Variants in JMJD1C observed in about 807,000 individuals in gnomAD.
The protein encoded by JMJD1C is jumonji domain-containing protein 1C.
Under a neutral mutation model 245.3 loss-of-function variants are expected in JMJD1C, and 31 were observed. That is an observed-to-expected ratio of 0.13 (90% confidence interval 0.09 to 0.17). The LOEUF (loss-of-function observed/expected upper bound fraction) is 0.17, where lower values mean the gene tolerates loss of function less well. Among genes scored for constraint, JMJD1C ranks in the 10% least tolerant of loss-of-function variants. The pLI is 1.00. For missense variants in JMJD1C, 2,691 were observed against 3,000.2 expected, an observed-to-expected ratio of 0.90 and a Z score of 2.41; for synonymous variants, 1,057 against 1,017.4, an observed-to-expected ratio of 1.04 and a Z score of -0.74.
intron 24 of JMJD1C, among the ~76,000 whole-genome samples, chr10:63,169,360 C>A (rs1375455779): frequency 6.6e-6 from 1 of 152,164 alleles, no homozygotes; most frequent in Non-Finnish European, 1.5e-5. Context: ...CTGATCCAAT[C>A]TGGGATTTGT....
chr10:63,466,160 C>T, upstream of JMJD1C: 1 of 188,572 alleles, frequency 5.3e-6, no homozygotes, highest in Non-Finnish European at 1.1e-5. Context: ...GCGGCGGCAG[C>T]GGGAGACGAA....
At chr10:63,222,128 C>T (rs1203099616) in intron 3 of JMJD1C, 15 of 692,446 alleles carry the variant, frequency 2.2e-5, no homozygotes, top group East Asian at 1.6e-4. Flanking sequence ...ATAGCACTTC[C>T]GCCAGGGAGG....
At chr10:63,273,872 C>T (rs1476874318) in intron 2 of JMJD1C, among the ~76,000 whole-genome samples, 2 of 152,170 alleles carry the variant, frequency 1.3e-5, no homozygotes, top group African/African-American at 2.4e-5. Context: ...AAAATCTGCT[C>T]CTTCCAGTAA....
intron 1 of JMJD1C, among the ~76,000 whole-genome samples, chr10:63,506,306 C>T (rs1954715470): frequency 6.6e-6 from 1 of 152,110 alleles, no homozygotes; most frequent in Non-Finnish European, 1.5e-5. Flanking sequence ...TGAGAAGTTC[C>T]TGGGCAGCAG....
chr10:63,304,486 A>C (rs1360420846), intron 2 of JMJD1C, among the ~76,000 whole-genome samples: 1 of 152,218 alleles, frequency 6.6e-6, no homozygotes, highest in Non-Finnish European at 1.5e-5. Flanking sequence ...AAAGGACTTA[A>C]AAAGAAATAA....
Position 63,208,223 on chromosome 10 carries a change from A to G in JMJD1C, c.3446T>C (p.Leu1149Ser), listed in dbSNP as rs1395666267. The change falls in exon 10 of 26, where the codon TTG (leucine) becomes TCG (serine). Residue 1149 changes from leucine to serine, a missense_variant. Coordinates refer to ENST00000399262, the MANE Select transcript of JMJD1C (RefSeq NM_032776.3). ...FITSLSKPPP[L>S]IKHQPESEGL... is the part of the protein sequence containing the mutation. Reference sequence around the variant, plus strand: ...TTCACTTTCTGGTTGGTGTTTAATCAAAGGTGGAGGCTTTGAAAGAGATGT... The same window carrying G: ...TTCACTTTCTGGTTGGTGTTTAATCGAAGGTGGAGGCTTTGAAAGAGATGT... The G allele has an allele frequency of 1.2e-6, 2 of 1,613,930 alleles. No homozygotes were observed. The highest frequency in any genetic ancestry group is 1.3e-5 in the African/African-American group (1 of 74,936).
At position 63,206,852 on chromosome 10, in the gene JMJD1C, T is replaced by G. The variant is rs1190591586; in HGVS notation, c.4817A>C (p.Lys1606Thr). Residue 1606 changes from lysine to threonine, a missense_variant, in exon 10 of 26, where the codon AAA becomes ACA. Transcript: ENST00000399262. ...NSVDSKIIVD[K>T]YVKDDKVNRR... ...GTTGACTTTATCATCTTTTACATAT[T>G]TATCAACTATGATCTTACTATCTAC... The G allele has an allele frequency of 6.2e-7, 1 of 1,601,840 alleles. No homozygotes were observed. The highest frequency in any genetic ancestry group is 8.5e-7 in the Non-Finnish European group (1 of 1,176,050).
chr10:63,248,257 T>C (rs939537892), intron 3 of JMJD1C, among the ~76,000 whole-genome samples: 3 of 151,340 alleles, frequency 2.0e-5, no homozygotes, highest in Non-Finnish European at 4.4e-5. Context: ...GGTCAGGAGA[T>C]CGAGACCAGC....
chr10:63,351,984 C>G (rs1944402668), intron 2 of JMJD1C, among the ~76,000 whole-genome samples: 1 of 152,176 alleles, frequency 6.6e-6, no homozygotes, highest in Admixed American at 6.6e-5. Context: ...TACCTCCATT[C>G]TAGACCTAAA....
intron 4 of JMJD1C, among the ~76,000 whole-genome samples, 188 bp downstream of exon 4, chr10:63,219,690 T>C (rs1469713988): frequency 6.6e-6 from 1 of 152,188 alleles, no homozygotes; most frequent in Non-Finnish European, 1.5e-5. Context: ...ATAAAGTTAA[T>C]ACACTTGTGA....
intron 2 of JMJD1C, among the ~76,000 whole-genome samples, chr10:63,270,791 G>C (rs1856202538): frequency 6.6e-6 from 1 of 152,134 alleles, no homozygotes; most frequent in Admixed American, 6.5e-5. Context: ...TCGTTTCATA[G>C]TGGAGACTTA....
intron 1 of JMJD1C, among the ~76,000 whole-genome samples, chr10:63,513,067 G>C (rs1954917814): frequency 6.6e-6 from 1 of 151,820 alleles, no homozygotes; most frequent in Non-Finnish European, 1.5e-5. Context: ...TTATCCATCT[G>C]TTCTTGCATA....
intron 10 of JMJD1C, among the ~76,000 whole-genome samples, chr10:63,201,945 GGAAA>G (rs1237670030): frequency 6.6e-6 from 1 of 150,586 alleles, no homozygotes; most frequent in Admixed American, 6.6e-5. Context: ...AAACAAAAGA[GGAAA>G]GAAAAAAAAA....
At chr10:63,228,695 T>A (rs1337370492) in intron 3 of JMJD1C, among the ~76,000 whole-genome samples, 2 of 152,192 alleles carry the variant, frequency 1.3e-5, no homozygotes, top group African/African-American at 2.4e-5. Flanking sequence ...TGCAATTTGA[T>A]CTAACTGACT....
intron 1 of JMJD1C, among the ~76,000 whole-genome samples, chr10:63,464,552 A>C (rs1162445381): frequency 6.6e-6 from 1 of 152,176 alleles, no homozygotes; most frequent in Non-Finnish European, 1.5e-5. Flanking sequence ...AGTCTAGTCC[A>C]TGTCTTGTCT....
At chr10:63,412,623 CTTTA>C (rs1167869211) in intron 1 of JMJD1C, among the ~76,000 whole-genome samples, 8 of 152,078 alleles carry the variant, frequency 5.3e-5, no homozygotes, top group Non-Finnish European at 7.4e-5. Context: ...AATACTGCAT[CTTTA>C]TGTTTGTTTA....
At chr10:63,381,713 A>G (rs1947233652) in intron 1 of JMJD1C, among the ~76,000 whole-genome samples, 1 of 152,200 alleles carries the variant, frequency 6.6e-6, no homozygotes. Context: ...CTTTAACTTA[A>G]CATTTTTCAT....
intron 2 of JMJD1C, among the ~76,000 whole-genome samples, chr10:63,317,994 T>C (rs1329432972): frequency 2.0e-5 from 3 of 152,014 alleles, no homozygotes. Context: ...AGTATAGCCA[T>C]GCACCACCAC....
At chr10:63,481,359 G>C (rs1163525189) in intron 1 of JMJD1C, among the ~76,000 whole-genome samples, 1 of 152,006 alleles carries the variant, frequency 6.6e-6, no homozygotes, top group Admixed American at 6.5e-5. Flanking sequence ...ATTTATTGCA[G>C]ATACCATATC....
Sources: gnomAD v4.1 joint callset for allele counts (sites outside exome capture counted in the v4.1 genomes callset) on GRCh38, gnomAD v4.1.1 for gene constraint, MANE v1.5 for transcripts, NCBI Gene and HGNC (gene_info 2026-07-23, HGNC 2026-07-21) for gene names.